Variants in CTNNA3 observed in about 807,000 individuals in gnomAD.
CTNNA3 encodes the protein catenin alpha 3.
A neutral mutation model predicts 95.7 loss-of-function variants in CTNNA3; 76 were observed. The ratio of observed to expected loss-of-function variants is 0.79; its 90% CI spans 0.66 to 0.96. CTNNA3 has a LOEUF of 0.96. CTNNA3 is among the 40% of genes least tolerant of loss of function. The pLI is 0.00. For missense variants in CTNNA3, 1,191 were observed against 1,089.8 expected (o/e 1.09, Z -1.31); for synonymous variants, 431 against 374.4 (o/e 1.15, Z -1.74).
chr10:67,027,933 T>G (rs984095626), intron 7 of CTNNA3, among the ~76,000 whole-genome samples: 3 of 152,214 alleles, frequency 2.0e-5, no homozygotes, highest in African/African-American at 7.2e-5. Flanking sequence ...GTATAGTACT[T>G]TTTTGTTTAT....
chr10:66,627,366 C>G (rs1844974826), intron 9 of CTNNA3, among the ~76,000 whole-genome samples: 1 of 152,066 alleles, frequency 6.6e-6, no homozygotes, highest in African/African-American at 2.4e-5. Flanking sequence ...TGGGCATATC[C>G]CTTACTTACT....
chr10:66,677,700 C>T (rs944444342), intron 9 of CTNNA3, among the ~76,000 whole-genome samples: 1 of 152,234 alleles, frequency 6.6e-6, no homozygotes, highest in African/African-American at 2.4e-5. Flanking sequence ...TTCTCATTTC[C>T]CTTCTGCCAT....
intron 11 of CTNNA3, among the ~76,000 whole-genome samples, chr10:66,404,902 A>G (rs556068530): frequency 6.6e-6 from 1 of 152,202 alleles, no homozygotes; most frequent in Non-Finnish European, 1.5e-5. Context: ...TAGATCCATG[A>G]AAAATGGTTA....
chr10:67,554,322 G>C (rs928778788), intron 3 of CTNNA3, among the ~76,000 whole-genome samples: 2 of 152,200 alleles, frequency 1.3e-5, no homozygotes, highest in African/African-American at 2.4e-5. Context: ...CTACATCCTT[G>C]AGGAATTGCC....
At chr10:67,577,271 T>C (rs962125811) in intron 3 of CTNNA3, among the ~76,000 whole-genome samples, 2 of 152,008 alleles carry the variant, frequency 1.3e-5, no homozygotes, top group African/African-American at 4.8e-5. Flanking sequence ...TGGTATCTCA[T>C]TGTGGTTTTG....
intron 9 of CTNNA3, among the ~76,000 whole-genome samples, chr10:66,738,744 G>A (rs1849230120): frequency 6.6e-6 from 1 of 152,130 alleles, no homozygotes; most frequent in African/African-American, 2.4e-5. Context: ...TCTTGTCAAT[G>A]AAACCCAGAT....
At chr10:66,637,543 A>C (rs1368479452) in intron 9 of CTNNA3, among the ~76,000 whole-genome samples, 1 of 152,232 alleles carries the variant, frequency 6.6e-6, no homozygotes, top group African/African-American at 2.4e-5. Context: ...GGAGCCTTTC[A>C]AACCGTTGTC....
At chr10:66,697,727 G>T (rs1372621894) in intron 9 of CTNNA3, among the ~76,000 whole-genome samples, 1 of 152,054 alleles carries the variant, frequency 6.6e-6, no homozygotes, top group Non-Finnish European at 1.5e-5. Flanking sequence ...CCCAGTACAT[G>T]AAAAAACATT....
At chr10:66,435,221 G>A (rs1370698966) in intron 11 of CTNNA3, among the ~76,000 whole-genome samples, 1 of 152,076 alleles carries the variant, frequency 6.6e-6, no homozygotes, top group Non-Finnish European at 1.5e-5. Context: ...AGAAGGAATG[G>A]AACCAGCTCT....
At chr10:66,049,519 A>G (rs1185457896) in intron 15 of CTNNA3, among the ~76,000 whole-genome samples, 4 of 152,230 alleles carry the variant, frequency 2.6e-5, no homozygotes, top group Admixed American at 2.6e-4. Flanking sequence ...TTACAGTCGC[A>G]AAGACATGGC....
At chr10:67,520,828 A>G (rs1314775894) in intron 5 of CTNNA3, among the ~76,000 whole-genome samples, 3 of 152,180 alleles carry the variant, frequency 2.0e-5, no homozygotes, top group Non-Finnish European at 4.4e-5. Flanking sequence ...TGTTGACTTA[A>G]TGAGATTTAA....
At chr10:66,534,590 A>T (rs1237188549) in intron 10 of CTNNA3, among the ~76,000 whole-genome samples, 2 of 149,936 alleles carry the variant, frequency 1.3e-5, no homozygotes, top group East Asian at 3.9e-4. Flanking sequence ...CTGAGAATAG[A>T]ATAATGTCTT....
In CTNNA3 at chr10:67,180,493, C is replaced by T; in HGVS notation, c.871G>A (p.Val291Ile). 1 of 1,613,728 alleles carries T rather than the reference C, an allele frequency of 6.2e-7. No individual in the cohort carries two copies. Among genetic ancestry groups the T allele is most frequent in the Non-Finnish European group, 8.5e-7 (1 of 1,179,722 alleles). ...ENLIVLNPLTVTEEEIRPSLE... is the reference protein window; with the variant it reads ...ENLIVLNPLTITEEEIRPSLE... ...GATGGTCGTATTTCCTCCTCAGTTA[C>T]TGTGAGTGGATTCAGGACAATTAAA... The change falls in exon 7 of 18, where the codon GTA (valine) becomes ATA (isoleucine). Residue 291 changes from valine to isoleucine, a missense_variant. By Grantham distance (29) the Val-to-Ile change is conservative. Transcript: ENST00000433211.
intron 12 of CTNNA3, among the ~76,000 whole-genome samples, chr10:66,345,028 A>T (rs2092493593): frequency 6.6e-6 from 1 of 152,112 alleles, no homozygotes; most frequent in South Asian, 2.1e-4. Flanking sequence ...AAAATAGGGG[A>T]GAGTAAAACT....
intron 9 of CTNNA3, among the ~76,000 whole-genome samples, chr10:66,752,749 G>GAAAATA (rs1839197116): frequency 2.0e-5 from 3 of 151,930 alleles, no homozygotes; most frequent in Admixed American, 2.0e-4. Context: ...AATAGGGCTT[G>GAAAATA]AAAATAAAAT....
chr10:66,681,884 T>C (rs560789400), intron 9 of CTNNA3, among the ~76,000 whole-genome samples: 1 of 152,296 alleles, frequency 6.6e-6, no homozygotes, highest in African/African-American at 2.4e-5. Context: ...GAGCTTGGAT[T>C]TTAATGGAAA....
Position 66,333,520 on chromosome 10 carries a change from T to G in CTNNA3, c.1732+45632A>C, listed in dbSNP as rs762275779. Among the ~76,000 whole-genome samples, 46 of 152,130 alleles carry G rather than the reference T, an allele frequency of 3.0e-4. 1 individual carries two copies. The highest frequency in any genetic ancestry group is 5.1e-4 in the Non-Finnish European group (35 of 67,980). On this transcript the variant is annotated intron_variant, in intron 12 of 17. Coordinates refer to ENST00000433211, the MANE Select transcript of CTNNA3 (RefSeq NM_013266.4). ...TCATTCAGGAGCAGGTTGTTTAGTT[T>G]CCATGTAGTTGAGTGGTTTTGAGTG...
At chr10:66,653,148 T>A (rs897253930) in intron 9 of CTNNA3, among the ~76,000 whole-genome samples, 1 of 152,072 alleles carries the variant, frequency 6.6e-6, no homozygotes, top group African/African-American at 2.4e-5. Flanking sequence ...ATAAATGGCA[T>A]CCAGATTGGA....
chr10:66,332,222 T>G (rs1392772646), intron 12 of CTNNA3, among the ~76,000 whole-genome samples: 4 of 151,920 alleles, frequency 2.6e-5, no homozygotes, highest in African/African-American at 7.3e-5. Context: ...CTTTTCCTAA[T>G]TGAATACCCT....
Sources: allele counts gnomAD v4.1 joint callset (sites outside exome capture counted in the v4.1 genomes callset), GRCh38; gene constraint gnomAD v4.1.1; transcripts MANE v1.5; gene names NCBI Gene and HGNC (gene_info 2026-07-23, HGNC 2026-07-21).